Variants in AATK observed in about 807,000 individuals in gnomAD.
AATK encodes the protein serine/threonine-protein kinase LMTK1.
AATK carries 91 observed loss-of-function variants against 114.3 expected under a neutral mutation model. That is an observed-to-expected ratio of 0.80 (90% CI 0.67 to 0.95). The LOEUF (loss-of-function observed/expected upper bound fraction) is 0.95, where lower values mean the gene tolerates loss of function less well. AATK is among the 40% of genes least tolerant of loss of function. AATK has a pLI of 0.00. For missense variants in AATK, 2,176 were observed against 1,965.2 expected, an observed-to-expected ratio of 1.11 and a Z score of -2.03; for synonymous variants, 1,075 against 916.5, an observed-to-expected ratio of 1.17 and a Z score of -3.12.
chr17:81,130,923 C>T (rs570608532), intron 3 of AATK, 138 bp downstream of exon 3: 36 of 1,093,734 alleles, frequency 3.3e-5, no homozygotes, highest in South Asian at 1.9e-4. Context: ...CTGCACACTG[C>T]GTCTACCCCA....
rs2060707487 is a variant in AATK at position 81,122,123 on chromosome 17, A to C, written c.1813T>G (p.Cys605Gly). ...GAGGGCGAGGGAGAGCGTGAGGGGC[A>C]GAGCGGGTCCCGCGCCAAGCTTCTG... ...PRRSLARDPL[C>G]PSRSPSPSAG... Residue 605 changes from cysteine to glycine, a missense_variant, in exon 11 of 14, where the codon TGC (cysteine) becomes GGC (glycine). By Grantham distance (159) the Cys-to-Gly change is radical. Around this residue, in one of 4 missense-constraint regions of AATK, gnomAD observed 1,701 missense variants for 1,394.7 expected, o/e 1.22. Coordinates refer to ENST00000326724, the MANE Select transcript of AATK (RefSeq NM_001080395.3). The C allele has an allele frequency of 6.5e-7, 1 of 1,547,678 alleles. No individual in the cohort carries two copies. Among genetic ancestry groups the C allele is most frequent in the African/African-American group, 1.4e-5 (1 of 73,704 alleles).
Position 81,121,934 on chromosome 17 carries a change from C to A in AATK, c.2002G>T (p.Gly668Ter). 6.2e-7 allele frequency: 1 copy of A among 1,600,852 alleles called. No homozygotes were observed. Reference protein sequence around the residue: ...LTGEDELEEVGARRAAQRGHW... With the variant: ...LTGEDELEEV ...CCGCGCTGGGCGGCCCTCCGCGCTC[C>A]CACCTCCTCTAGCTCATCCTCGCCA... The change falls in exon 11 of 14, where the codon GGA becomes TGA. Residue 668 changes from glycine (G) to a stop codon, truncating the protein, a stop_gained. Transcript: ENST00000326724. LOFTEE classifies it high-confidence loss of function.
chr17:81,139,069 C>A, intron 1 of AATK, among the ~76,000 whole-genome samples: 1 of 152,212 alleles, frequency 6.6e-6, no homozygotes, highest in East Asian at 1.9e-4. Flanking sequence ...CAAACATGCA[C>A]ACACATGAAT....
At chr17:81,130,473 G>A (rs1045965529) in intron 3 of AATK, among the ~76,000 whole-genome samples, 2 of 152,166 alleles carry the variant, frequency 1.3e-5, no homozygotes, top group Non-Finnish European at 2.9e-5. Flanking sequence ...GGCCCTGCCT[G>A]CACCTGCACT....
In AATK at chr17:81,144,020, CGGGTGGCCA is replaced by C. The variant is rs562710314; in HGVS notation, c.56-9528_56-9520del. Among the ~76,000 whole-genome samples, 358 of 152,318 alleles carry C rather than the reference CGGGTGGCCA, an allele frequency of 2.4e-3. 2 individuals carry two copies. The highest frequency in any genetic ancestry group is 8.0e-3 in the African/African-American group (332 of 41,572). On this transcript the variant is annotated intron_variant, in intron 1 of 13. Coordinates refer to ENST00000326724, the MANE Select transcript of AATK (RefSeq NM_001080395.3). ...CACCCAAGCTGCCTTCCTGCAGGGACGGGTGGCCAGGGTGGCCAGCACATAAGGTGTGGC... is the reference window on the plus strand; with the variant it reads ...CACCCAAGCTGCCTTCCTGCAGGGACGGGTGGCCAGCACATAAGGTGTGGC...
At chr17:81,159,377 T>G (rs1346313810) in intron 1 of AATK, among the ~76,000 whole-genome samples, 2 of 151,240 alleles carry the variant, frequency 1.3e-5, no homozygotes, top group African/African-American at 2.4e-5. Flanking sequence ...CTGGGGGCAG[T>G]GGCGGGGACT....
chr17:81,119,794 G>C, intron 12 of AATK, 142 bp downstream of exon 12: 2 of 1,300,864 alleles, frequency 1.5e-6, no homozygotes, highest in Non-Finnish European at 2.0e-6. Flanking sequence ...CTCCCATGAC[G>C]ACACGGGCCA....
At position 81,120,010 on chromosome 17, in the gene AATK, C is replaced by T. The variant is rs1409977451; in HGVS notation, c.3809G>A (p.Ser1270Asn). Residue 1270 changes from serine to asparagine, a missense_variant, in exon 12 of 14, where the codon AGC becomes AAC. Ser to Asn is a conservative substitution (Grantham distance 46). Transcript: ENST00000326724. ...GTTGGGGGCGCTGGGAGAGCCGGGG[C>T]TCCCCCTAAGGAACGTAGGGGGCGA... ...KESPPTFLRG[S>N]PGSPSAPNRP... 4 of 1,448,192 alleles carry T rather than the reference C, an allele frequency of 2.8e-6. No individual in the cohort carries two copies. Among genetic ancestry groups the T allele is most frequent in the Non-Finnish European group, 3.6e-6 (4 of 1,100,276 alleles). 89.7% of individuals were successfully genotyped at this position (1,448,192 alleles called of 1,614,324 possible).
intron 6 of AATK, 108 bp downstream of exon 6, chr17:81,127,475 T>TAG: frequency 1.8e-6 from 2 of 1,139,660 alleles, no homozygotes; most frequent in South Asian, 2.6e-5. Context: ...GTCTTGGCTT[T>TAG]AGGGAGGATG....
Position 81,123,265 on chromosome 17 carries a change from C to A in AATK, c.1041G>T (p.Leu347=). The change falls in exon 10 of 14, where the codon CTG becomes CTT. Residue 347 remains leucine, a synonymous_variant. Transcript: ENST00000326724. ...PYPQHSDQQV[L]AYTVREQQLK... ...GCTGCTGCTCCCGGACCGTGTACGC[C>A]AGCACCTGCTGGTCCGAGTGCTGGG... 1 of 1,407,394 alleles carries A rather than the reference C, an allele frequency of 7.1e-7. No individual in the cohort carries two copies. Among genetic ancestry groups the A allele is most frequent in the Middle Eastern group, 2.1e-4 (1 of 4,774 alleles). The allele number at this position is 1,407,394 out of a possible 1,614,324, so 87.2% of individuals were successfully genotyped here.
In AATK at chr17:81,120,651, G is replaced by A. The variant is rs61741024; in HGVS notation, c.3285C>T (p.Pro1095=). 73 of 1,528,954 alleles carry A rather than the reference G, an allele frequency of 4.8e-5. No homozygotes were observed. The African/African-American group carries it at 9.3e-4, about 19-fold the overall frequency. The allele number at this position is 1,528,954 out of a possible 1,614,324, so 94.7% of individuals were successfully genotyped here. A position where few individuals can be genotyped will look rare whatever the true frequency, so the allele number is the denominator to read the frequency against. The part of the protein sequence containing the change: ...GPAKVRPGPS[P]SCSQFFLLTP... The stretch of plus-strand genomic sequence containing the variant: ...TCAGCAGGAAAAACTGGGAGCAGCT[G>A]GGGCTGGGCCCAGGCCGCACCTTGG... The change falls in exon 11 of 14, where the codon CCC becomes CCT. Residue 1095 remains proline, a synonymous_variant. Coordinates refer to ENST00000326724, the MANE Select transcript of AATK (RefSeq NM_001080395.3).
At chr17:81,143,617 G>C (rs892776466) in intron 1 of AATK, among the ~76,000 whole-genome samples, 1 of 150,958 alleles carries the variant, frequency 6.6e-6, no homozygotes, top group Non-Finnish European at 1.5e-5. Context: ...CAGCCTCCTC[G>C]ACCCCTCTGG....
At chr17:81,161,808 G>C (rs2061431996) in intron 1 of AATK, among the ~76,000 whole-genome samples, 1 of 152,130 alleles carries the variant, frequency 6.6e-6, no homozygotes, top group South Asian at 2.1e-4. Context: ...GGAGGCAGAG[G>C]GCATGGCGGG....
chr17:81,122,542 ACGT>A lies in AATK; in HGVS notation c.1391_1393del (p.Asp464del). The A allele has an allele frequency of 6.8e-7, 1 of 1,478,740 alleles. No individual in the cohort carries two copies. Among genetic ancestry groups the A allele is most frequent in the Non-Finnish European group, 9.0e-7 (1 of 1,110,536 alleles). The allele number at this position is 1,478,740 out of a possible 1,614,324, so 91.6% of individuals were successfully genotyped here. ...TCGGCTGGTCTCGGTCACCGTCAGC[ACGT>A]CGTCGCCGTCCGCGTGGAAGCCGTC... On this transcript the variant is annotated inframe_deletion, in exon 11 of 14. Coordinates refer to ENST00000326724, the MANE Select transcript of AATK (RefSeq NM_001080395.3).
intron 1 of AATK, 44 bp from the exon 2 acceptor site, chr17:81,134,545 G>A (rs1355101463): frequency 1.1e-5 from 18 of 1,587,546 alleles, no homozygotes; most frequent in South Asian, 2.3e-5. Flanking sequence ...GCTGAGGGCC[G>A]GCCAGGCCCC....
rs1040019169 is a variant in AATK at position 81,118,326 on chromosome 17, C to T, written c.*76G>A. ...GCCACCAGGACGTGGTCCCCACCTT[C>T]TCGGTCACCATCCTCGCTGCTGCCT... On this transcript the variant is annotated 3_prime_UTR_variant, in exon 14 of 14. Transcript: ENST00000326724. 3 of 1,480,106 alleles carry T rather than the reference C, an allele frequency of 2.0e-6. No homozygotes were observed. Among genetic ancestry groups the T allele is most frequent in the South Asian group, 2.5e-5 (2 of 81,312 alleles). 91.7% of individuals were successfully genotyped at this position (1,480,106 alleles called of 1,614,324 possible). A position where few individuals can be genotyped will look rare whatever the true frequency, so the allele number is the denominator to read the frequency against.
Position 81,122,793 on chromosome 17 carries a change from C to A in AATK, c.1143G>T (p.Gln381His). ...CCTCGGCTGTGGGCCGCTGCTCGGGCTGCAGCCAGCAGAACTGCATCACCT... is the reference window on the plus strand; with the variant it reads ...CCTCGGCTGTGGGCCGCTGCTCGGGATGCAGCCAGCAGAACTGCATCACCT... ...WYEVMQFCWLQPEQRPTAEEV... is the reference protein window; with the variant it reads ...WYEVMQFCWLHPEQRPTAEEV... The change falls in exon 11 of 14, where the codon CAG becomes CAT. Residue 381 changes from glutamine to histidine, a missense_variant. Physicochemically the swap from Gln to His is conservative, Grantham distance 24. Transcript: ENST00000326724. 1 of 1,581,692 alleles carries A rather than the reference C, an allele frequency of 6.3e-7. No individual in the cohort carries two copies. The highest frequency in any genetic ancestry group is 8.6e-7 in the Non-Finnish European group (1 of 1,164,684).
chr17:81,163,358 C>G (rs1443489645), intron 1 of AATK, among the ~76,000 whole-genome samples: 3 of 152,194 alleles, frequency 2.0e-5, no homozygotes, highest in Non-Finnish European at 2.9e-5. Flanking sequence ...TCGCTCAAGG[C>G]CATGCCACCC....
Position 81,131,122 on chromosome 17 carries a change from G to T in AATK, c.273C>A (p.Asp91Glu). The part of the protein sequence containing the change: ...SPATAAQNGP[D>E]VYVLPLTEVS... ...CCTCCGTGAGTGGCAGGACGTACAC[G>T]TCGGGCCCGTTCTGTGCTGCCGTGG... Residue 91 changes from aspartate (D) to glutamate (E), a missense_variant, in exon 3 of 14, where the codon GAC becomes GAA. This residue lies in a region of AATK where 178 missense variants were observed against 175.4 expected (regional missense o/e 1.01). Transcript: ENST00000326724. The T allele has an allele frequency of 6.4e-7, 1 of 1,563,374 alleles. No individual in the cohort carries two copies. The highest frequency in any genetic ancestry group is 8.7e-7 in the Non-Finnish European group (1 of 1,154,538).
Sources: gnomAD v4.1 joint callset for allele counts (sites outside exome capture counted in the v4.1 genomes callset) on GRCh38, gnomAD v4.1.1 for gene constraint, gnomAD v4.1.1 regional missense constraint, MANE v1.5 for transcripts, NCBI Gene and HGNC (gene_info 2026-07-23, HGNC 2026-07-21) for gene names.